MRTFA: variants seen among roughly 807,000 people sequenced by gnomAD.
The protein encoded by MRTFA is myocardin related transcription factor A.
A neutral mutation model predicts 83.5 loss-of-function variants in MRTFA; 20 were observed. The observed-to-expected ratio is 0.24, with a 90% CI of 0.17 to 0.35. The LOEUF (loss-of-function observed/expected upper bound fraction) is 0.35. Ranked by LOEUF, MRTFA falls within the 10% of genes least tolerant of loss-of-function variation. The pLI is 1.00. For missense variants in MRTFA, 1,200 were observed against 1,224.7 expected (o/e 0.98, Z 0.30); for synonymous variants, 659 against 541.2 (o/e 1.22, Z -3.02).
intron 4 of MRTFA, among the ~76,000 whole-genome samples, chr22:40,445,635 A>AC (rs1569269105): frequency 1.3e-5 from 2 of 150,268 alleles, no homozygotes; most frequent in African/African-American, 4.9e-5. Flanking sequence ...TGCAACCTCC[A>AC]CCTCCTGGGA....
At chr22:40,519,462 A>T (rs930743406) in intron 3 of MRTFA, 1 of 1,338,328 alleles carries the variant, frequency 7.5e-7, no homozygotes, top group Non-Finnish European at 9.9e-7. Context: ...AGCGTTACCT[A>T]CCAGTGCTGC....
chr22:40,630,285 T>C (rs1214533487), intron 1 of MRTFA, among the ~76,000 whole-genome samples: 1 of 151,984 alleles, frequency 6.6e-6, no homozygotes, highest in African/African-American at 2.4e-5. Flanking sequence ...CACTGTGCTC[T>C]ACCCTAGGCA....
intron 3 of MRTFA, among the ~76,000 whole-genome samples, chr22:40,548,170 C>G (rs1602414810): frequency 6.6e-6 from 1 of 151,814 alleles, no homozygotes; most frequent in South Asian, 2.1e-4. Context: ...ACCTGCCTGG[C>G]CAACATGGTG....
chr22:40,529,025 T>A (rs2055029114), intron 3 of MRTFA, among the ~76,000 whole-genome samples: 1 of 152,156 alleles, frequency 6.6e-6, no homozygotes, highest in South Asian at 2.1e-4. Flanking sequence ...AATCTGGAGT[T>A]TTTCGTCAGT....
chr22:40,628,129 C>T (rs961309861), intron 1 of MRTFA, among the ~76,000 whole-genome samples: 1 of 152,138 alleles, frequency 6.6e-6, no homozygotes, highest in South Asian at 2.1e-4. Flanking sequence ...AAAGTAGATG[C>T]CCCTATTACT....
At chr22:40,587,182 T>C (rs894355198) in intron 2 of MRTFA, 4 of 458,904 alleles carry the variant, frequency 8.7e-6, no homozygotes, top group South Asian at 3.2e-5. Context: ...CATGCAAAGA[T>C]TGCAGTTACT....
intron 4 of MRTFA, among the ~76,000 whole-genome samples, chr22:40,457,436 G>A (rs376871713): frequency 3.3e-5 from 4 of 119,816 alleles, no homozygotes; most frequent in East Asian, 2.6e-4. Flanking sequence ...AAGAAAGAAA[G>A]AGAAAGAAAG....
chr22:40,415,338 ACCCCAGGGACCCAGGGATTCT>A (rs2052656102), intron 14 of MRTFA: 1 of 152,200 alleles, frequency 6.6e-6, no homozygotes, highest in Non-Finnish European at 1.5e-5. Context: ...TGCGCCTCAG[ACCCCAGGGACCCAGGGATTCT>A]CCCTAGGGCT....
chr22:40,538,993 T>G (rs948618894), intron 3 of MRTFA, among the ~76,000 whole-genome samples: 3 of 141,582 alleles, frequency 2.1e-5, no homozygotes, highest in Non-Finnish European at 3.1e-5. Flanking sequence ...GCCTTTTGTT[T>G]TTTTTTTTTT....
At chr22:40,566,545 T>G (rs899295877) in intron 2 of MRTFA, among the ~76,000 whole-genome samples, 3 of 151,958 alleles carry the variant, frequency 2.0e-5, no homozygotes, top group African/African-American at 7.2e-5. Flanking sequence ...ATAATCATTT[T>G]GAGGGCTGGG....
At chr22:40,420,761 A>C in intron 10 of MRTFA, 86 bp downstream of exon 10, 1 of 1,578,998 alleles carries the variant, frequency 6.3e-7, no homozygotes, top group South Asian at 1.2e-5. Flanking sequence ...TAAAGATGTG[A>C]GGTTCACCCC....
chr22:40,589,905 C>A (rs1396818253), intron 2 of MRTFA, among the ~76,000 whole-genome samples: 1 of 151,870 alleles, frequency 6.6e-6, no homozygotes, highest in Non-Finnish European at 1.5e-5. Flanking sequence ...ACCTGTAATC[C>A]CAGCTACTCA....
chr22:40,636,315 G>T (rs1167316022), intron 1 of MRTFA, among the ~76,000 whole-genome samples, 163 bp downstream of exon 1: 4 of 152,114 alleles, frequency 2.6e-5, no homozygotes, highest in Non-Finnish European at 5.9e-5. Flanking sequence ...CTCCGGCCCC[G>T]AGGGCAGGGG....
chr22:40,528,477 C>A (rs1420236625), intron 3 of MRTFA, among the ~76,000 whole-genome samples: 1 of 152,054 alleles, frequency 6.6e-6, no homozygotes, highest in Non-Finnish European at 1.5e-5. Context: ...GTGGCTCACA[C>A]CTGTAATCCC....
In MRTFA at chr22:40,422,662, G is replaced by T. The variant is rs1263413693; in HGVS notation, c.927+874C>A. On this transcript the variant is annotated intron_variant, in intron 9 of 14. Transcript: ENST00000355630. ...GAGGCAGCAGAGATGACAGGGTCAT[G>T]TGCAGAGGCGGGACTGGGGATGTCA... Among the ~76,000 whole-genome samples, 3 of 152,252 alleles carry T rather than the reference G, an allele frequency of 2.0e-5. No individual in the cohort carries two copies. The East Asian group carries it at 5.8e-4, about 29-fold the overall frequency.
intron 3 of MRTFA, among the ~76,000 whole-genome samples, chr22:40,527,332 T>C (rs2054993712): frequency 6.6e-6 from 1 of 151,798 alleles, no homozygotes; most frequent in South Asian, 2.1e-4. Context: ...TACCATGAGC[T>C]CAGCCTGATA....
chr22:40,579,162 T>C (rs553881099), intron 2 of MRTFA, among the ~76,000 whole-genome samples: 2 of 152,282 alleles, frequency 1.3e-5, no homozygotes, highest in South Asian at 2.1e-4. Flanking sequence ...AAAATACCCA[T>C]AGCCAAGTCT....
At chr22:40,602,294 C>T (rs996334108) in intron 1 of MRTFA, among the ~76,000 whole-genome samples, 18 of 152,070 alleles carry the variant, frequency 1.2e-4, no homozygotes, top group African/African-American at 3.6e-4. Context: ...TGACAAAATC[C>T]CTATTCAAGT....
intron 12 of MRTFA, 74 bp downstream of exon 12, chr22:40,418,300 C>T: frequency 6.5e-7 from 1 of 1,550,068 alleles, no homozygotes; most frequent in Non-Finnish European, 8.7e-7. Flanking sequence ...GGTCCCCTGG[C>T]CCAAGAGGGC....
Sources: allele counts gnomAD v4.1 joint callset (sites outside exome capture counted in the v4.1 genomes callset), GRCh38; gene constraint gnomAD v4.1.1; transcripts MANE v1.5; gene names NCBI Gene and HGNC (gene_info 2026-07-23, HGNC 2026-07-21).